RBPJ: variants seen among roughly 807,000 people sequenced by gnomAD.
RBPJ encodes the protein recombination signal binding protein for immunoglobulin kappa J region.
In RBPJ, 9 loss-of-function variants were observed where a neutral mutation model predicts 67.8. The ratio of observed to expected loss-of-function variants is 0.13; its 90% CI spans 0.08 to 0.23. The LOEUF is 0.23. RBPJ is among the 10% of genes least tolerant of loss of function. The probability of loss-of-function intolerance (pLI) is 1.00; values close to 1 mark genes in which losing one functional copy is unlikely to be tolerated. For missense variants in RBPJ, 305 were observed against 595.6 expected, an observed-to-expected ratio of 0.51 and a Z score of 5.08; for synonymous variants, 198 against 203.3, an observed-to-expected ratio of 0.97 and a Z score of 0.22.
At chr4:26,320,842 A>G (rs770232226), upstream of RBPJ, 20 of 1,567,082 alleles carry the variant, frequency 1.3e-5, no homozygotes, top group Middle Eastern at 1.7e-4. Flanking sequence ...GGCAGCGAGC[A>G]GGATCCCCTA....
intron 1 of RBPJ, among the ~76,000 whole-genome samples, chr4:26,209,384 T>C (rs1452956206): frequency 6.6e-6 from 1 of 152,124 alleles, no homozygotes; most frequent in Non-Finnish European, 1.5e-5. Flanking sequence ...TTTATGATAA[T>C]TTGAAATACA....
intron 1 of RBPJ, among the ~76,000 whole-genome samples, chr4:26,283,971 G>A (rs746982209): frequency 7.2e-5 from 11 of 152,100 alleles, no homozygotes; most frequent in South Asian, 4.1e-4. Context: ...TTTATGGTTT[G>A]GAAGGTGTCC....
chr4:26,419,642 GA>G (rs1427996499), intron 4 of RBPJ, among the ~76,000 whole-genome samples: 1 of 152,054 alleles, frequency 6.6e-6, no homozygotes, highest in Non-Finnish European at 1.5e-5. Context: ...AATATAATTC[GA>G]TACTTTAGAT....
chr4:26,421,840 A>G (rs760668130), intron 5 of RBPJ, among the ~76,000 whole-genome samples: 1 of 152,202 alleles, frequency 6.6e-6, no homozygotes, highest in Non-Finnish European at 1.5e-5. Flanking sequence ...CTTAAGTGTC[A>G]TCTAATATCC....
intron 1 of RBPJ, chr4:26,322,095 C>CCCCCCGG (rs1358662651): frequency 1.3e-5 from 2 of 150,322 alleles, no homozygotes; most frequent in East Asian, 1.9e-4. Flanking sequence ...GGTTCTTGCG[C>CCCCCCGG]CCCCCGGCCC....
chr4:26,219,089 G>A (rs900373961), intron 1 of RBPJ, among the ~76,000 whole-genome samples: 3 of 152,214 alleles, frequency 2.0e-5, no homozygotes, highest in Non-Finnish European at 4.4e-5. Flanking sequence ...AATACCGTAA[G>A]AGGAAGTAAA....
At chr4:26,145,074 A>G in the RBPJ span, among the ~76,000 whole-genome samples, 1 of 146,496 alleles carries the variant, frequency 6.8e-6, no homozygotes, top group African/African-American at 2.6e-5. Context: ...AGTAGTTTAC[A>G]TTTTTCTGAG....
intron 1 of RBPJ, among the ~76,000 whole-genome samples, chr4:26,232,888 G>A (rs187539136): frequency 6.6e-5 from 10 of 152,256 alleles, no homozygotes; most frequent in Admixed American, 4.6e-4. Flanking sequence ...AAGAGAGTGC[G>A]GGGAACCTGC....
At chr4:26,234,295 C>G (rs1365402861) in intron 1 of RBPJ, among the ~76,000 whole-genome samples, 3 of 152,114 alleles carry the variant, frequency 2.0e-5, no homozygotes, top group African/African-American at 7.2e-5. Flanking sequence ...ATTCAACAAG[C>G]ATTTATTAAG....
intron 1 of RBPJ, among the ~76,000 whole-genome samples, chr4:26,241,747 A>G (rs1048113244): frequency 1.3e-5 from 2 of 151,978 alleles, no homozygotes; most frequent in African/African-American, 4.8e-5. Flanking sequence ...CCTGGCCTGA[A>G]GTGATCTGCC....
chr4:26,199,220 C>T (rs993183245), intron 1 of RBPJ, among the ~76,000 whole-genome samples: 3 of 151,986 alleles, frequency 2.0e-5, no homozygotes, highest in African/African-American at 7.3e-5. Context: ...CTGAGAGGAG[C>T]GGATCATGAG....
At chr4:26,138,250 A>G in the RBPJ span, among the ~76,000 whole-genome samples, 1 of 152,128 alleles carries the variant, frequency 6.6e-6, no homozygotes, top group Non-Finnish European at 1.5e-5. Context: ...GCAAATAAAT[A>G]CCTTCCACTG....
Position 26,372,124 on chromosome 4 carries a change from T to C in RBPJ, c.21-14229T>C, listed in dbSNP as rs1222959085. ...TTGCTGTCTCGTTTACTTTGCTATA[T>C]GAAGCCAGTTGAGGAAGCTACAGGT... On this transcript the variant is annotated intron_variant, in intron 1 of 10. Transcript: ENST00000355476. 2.6e-5 allele frequency among the ~76,000 whole-genome samples: 4 copies of C among 152,366 alleles called. No individual in the cohort carries two copies. In the South Asian group the frequency reaches 6.2e-4, roughly 24 times the overall value.
chr4:26,428,965 T>G (rs1735949524), intron 8 of RBPJ, 105 bp downstream of exon 8: 1 of 820,604 alleles, frequency 1.2e-6, no homozygotes, highest in African/African-American at 1.7e-5. Flanking sequence ...TACAAATACA[T>G]GAAGCTATAC....
intron 2 of RBPJ, among the ~76,000 whole-genome samples, chr4:26,399,197 T>C (rs962728076): frequency 2.0e-5 from 3 of 152,212 alleles, no homozygotes; most frequent in Admixed American, 6.5e-5. Context: ...TGTAGCTTGC[T>C]TCAGTGGTGT....
At chr4:26,115,884 T>C in the RBPJ span, among the ~76,000 whole-genome samples, 1 of 152,032 alleles carries the variant, frequency 6.6e-6, no homozygotes, top group African/African-American at 2.4e-5. Context: ...TATGCAAAGG[T>C]TAACATCAGT....
the RBPJ span, among the ~76,000 whole-genome samples, chr4:26,138,007 A>C: frequency 1.3e-5 from 2 of 152,210 alleles, no homozygotes; most frequent in Admixed American, 1.3e-4. Context: ...CATATCTAGA[A>C]GCTACCAGAA....
intron 1 of RBPJ, among the ~76,000 whole-genome samples, chr4:26,247,657 G>A (rs569626057): frequency 2.4e-4 from 36 of 152,044 alleles, no homozygotes; most frequent in Non-Finnish European, 3.2e-4. Context: ...TGATCCACCC[G>A]CCTCAGCCTC....
intron 1 of RBPJ, among the ~76,000 whole-genome samples, chr4:26,268,559 TA>T (rs1720781004): frequency 6.6e-6 from 1 of 152,204 alleles, no homozygotes; most frequent in South Asian, 2.1e-4. Context: ...TTCTCTTCAA[TA>T]AAAGCACACG....
Sources: allele counts gnomAD v4.1 joint callset (sites outside exome capture counted in the v4.1 genomes callset), GRCh38; gene constraint gnomAD v4.1.1; transcripts MANE v1.5; gene names NCBI Gene and HGNC (gene_info 2026-07-23, HGNC 2026-07-21).